Variants in NEBL observed in about 807,000 individuals in gnomAD.
NEBL encodes nebulette.
NEBL carries 122 observed loss-of-function variants against 140.2 expected under a neutral mutation model. That is an observed-to-expected ratio of 0.87 (90% CI 0.75 to 1.01). NEBL has a LOEUF of 1.01. Among genes scored for constraint, NEBL ranks in the 50% least tolerant of loss-of-function variants. The pLI, the probability that NEBL is intolerant of heterozygous loss-of-function variation, is 0.00. For missense variants in NEBL, 1,365 were observed against 1,231.3 expected, an observed-to-expected ratio of 1.11 and a Z score of -1.62; for synonymous variants, 436 against 398.9, an observed-to-expected ratio of 1.09 and a Z score of -1.11.
At chr10:20,957,308 G>A (rs930208554) in intron 4 of NEBL, among the ~76,000 whole-genome samples, 2 of 152,112 alleles carry the variant, frequency 1.3e-5, no homozygotes, top group Non-Finnish European at 2.9e-5. Context: ...GAAAAATTAT[G>A]TAGTGTAGCA....
At chr10:21,210,911 C>T (rs966099492) in intron 3 of NEBL, among the ~76,000 whole-genome samples, 122 of 152,298 alleles carry the variant, frequency 8.0e-4, no homozygotes, top group Admixed American at 3.3e-3. Flanking sequence ...TACAGCTATC[C>T]TAGCCAGTAG....
intron 19 of NEBL, among the ~76,000 whole-genome samples, chr10:20,821,657 C>G (rs192889805): frequency 2.0e-5 from 3 of 152,180 alleles, no homozygotes; most frequent in Admixed American, 6.6e-5. Flanking sequence ...AATTTAATCA[C>G]GAAGTCAACT....
chr10:21,031,541 G>A (rs1833791700), intron 2 of NEBL, among the ~76,000 whole-genome samples: 2 of 152,184 alleles, frequency 1.3e-5, no homozygotes, highest in African/African-American at 4.8e-5. Flanking sequence ...CATCTAAGCG[G>A]CGCTGTGTTC....
At chr10:20,826,575 T>C (rs1178216486) in intron 17 of NEBL, 36 bp from the exon 18 acceptor site, 5 of 1,509,960 alleles carry the variant, frequency 3.3e-6, no homozygotes, top group Non-Finnish European at 4.6e-6. Flanking sequence ...TAACTAAGCT[T>C]GTCAGAATTC....
In NEBL at chr10:21,264,882, C is replaced by G. The variant is rs1017881860; in HGVS notation, n.183-13054G>C. ...AAATATGGTGCCTTCTTGCTGCATC[C>G]TCACGTGACAATAGGGGCAAGAGAG... On this transcript the variant is annotated intron_variant and non_coding_transcript_variant, in intron 1 of 8. Transcript: ENST00000675702. Among the ~76,000 whole-genome samples, 3 of 151,678 alleles carry G rather than the reference C, an allele frequency of 2.0e-5. No individual in the cohort carries two copies. The East Asian group carries it at 5.8e-4, about 29-fold the overall frequency.
chr10:21,017,682 C>G (rs1185399035), intron 3 of NEBL, among the ~76,000 whole-genome samples: 1 of 152,180 alleles, frequency 6.6e-6, no homozygotes, highest in East Asian at 1.9e-4. Context: ...TAACCACTAA[C>G]TGAGCCCAAA....
intron 3 of NEBL, among the ~76,000 whole-genome samples, chr10:21,207,668 G>A (rs1841848885): frequency 1.3e-5 from 2 of 152,074 alleles, no homozygotes; most frequent in African/African-American, 4.8e-5. Context: ...AGCAGGGGAA[G>A]GGTAAATCCA....
intron 2 of NEBL, among the ~76,000 whole-genome samples, chr10:21,068,122 G>C (rs976375442): frequency 6.6e-6 from 1 of 152,154 alleles, no homozygotes; most frequent in African/African-American, 2.4e-5. Context: ...TAGGAGGTCA[G>C]CTCCATGATT....
intron 2 of NEBL, chr10:21,030,312 G>A: frequency 1.5e-6 from 1 of 660,266 alleles, no homozygotes; most frequent in Non-Finnish European, 2.7e-6. Context: ...TGGAGGACAG[G>A]AAGTGAGTCA....
intron 26 of NEBL, among the ~76,000 whole-genome samples, chr10:20,802,135 G>C (rs1166577876): frequency 1.3e-5 from 2 of 152,190 alleles, no homozygotes; most frequent in Non-Finnish European, 2.9e-5. Context: ...AGGTGAGATT[G>C]CAAGCACATA....
intron 2 of NEBL, among the ~76,000 whole-genome samples, chr10:21,040,894 A>C (rs1293976899): frequency 6.6e-6 from 1 of 152,064 alleles, no homozygotes; most frequent in Admixed American, 6.6e-5. Context: ...CCAGCTATGT[A>C]ACATGTCCCT....
chr10:20,796,389 A>C (rs1836542056), intron 26 of NEBL, among the ~76,000 whole-genome samples: 1 of 149,866 alleles, frequency 6.7e-6, no homozygotes, highest in Non-Finnish European at 1.5e-5. Context: ...AAAAAAAAAA[A>C]AAAAACTTCT....
At chr10:21,086,392 A>G (rs74840848) in intron 2 of NEBL, among the ~76,000 whole-genome samples, 3,148 of 152,312 alleles carry the variant, frequency 0.021, 109 homozygotes, top group African/African-American at 0.069. Flanking sequence ...GCTGCTCCCT[A>G]TAGGTTTCCT....
intron 4 of NEBL, among the ~76,000 whole-genome samples, chr10:20,909,529 T>C (rs1296242557): frequency 6.6e-6 from 1 of 152,208 alleles, no homozygotes; most frequent in Admixed American, 6.6e-5. Context: ...GCCTGCCTTT[T>C]CTACATAGCT....
At chr10:21,146,427 A>T (rs1172174120) in intron 2 of NEBL, 2 of 1,613,264 alleles carry the variant, frequency 1.2e-6, no homozygotes, top group Middle Eastern at 1.7e-4. Flanking sequence ...TCTCTCATAT[A>T]AGCTAGAGGA....
rs938920101 is a variant in NEBL, at chr10:20,965,135, T to C, written c.250-3356A>G. On this transcript the variant is annotated intron_variant, in intron 3 of 6. Transcript: ENST00000417816. ...CTTTGCTCATTCAGCAAATCTTTACTGAGCACCTACTATGGGCCAAGAGCT... is the reference window on the plus strand; with the variant it reads ...CTTTGCTCATTCAGCAAATCTTTACCGAGCACCTACTATGGGCCAAGAGCT... 7.2e-5 allele frequency among the ~76,000 whole-genome samples: 11 copies of C among 152,348 alleles called. No individual in the cohort carries two copies. The East Asian group carries it at 2.1e-3, about 29-fold the overall frequency.
At chr10:20,852,698 G>C (rs760836213) in intron 9 of NEBL, 49 bp from the exon 10 acceptor site, 6 of 1,403,208 alleles carry the variant, frequency 4.3e-6, no homozygotes, top group Admixed American at 3.6e-5. Context: ...AGACTGATTA[G>C]AGCAATAAAT....
intron 11 of NEBL, among the ~76,000 whole-genome samples, chr10:20,848,121 T>C (rs577174655): frequency 2.0e-5 from 3 of 152,300 alleles, no homozygotes; most frequent in African/African-American, 7.2e-5. Context: ...ACATTATCTC[T>C]ACAAAACAGG....
chr10:21,081,940 G>T (rs895751332), intron 2 of NEBL, among the ~76,000 whole-genome samples: 1 of 152,076 alleles, frequency 6.6e-6, no homozygotes, highest in African/African-American at 2.4e-5. Context: ...AAATACATGA[G>T]CAAATTAAAA....
Sources: allele counts gnomAD v4.1 joint callset (sites outside exome capture counted in the v4.1 genomes callset), GRCh38; gene constraint gnomAD v4.1.1; transcripts MANE v1.5; gene names NCBI Gene and HGNC (gene_info 2026-07-23, HGNC 2026-07-21).